The following CDC42BPB variants were observed in gnomAD, a reference collection of about 807,000 sequenced individuals.
CDC42BPB encodes serine/threonine-protein kinase MRCK beta.
CDC42BPB carries 37 observed loss-of-function variants against 214.9 expected under a neutral mutation model. The ratio of observed to expected loss-of-function variants is 0.17; its 90% CI spans 0.13 to 0.23. CDC42BPB has a LOEUF of 0.23. Ranked by LOEUF, CDC42BPB falls within the 10% of genes least tolerant of loss-of-function variation. The pLI, the probability that CDC42BPB is intolerant of heterozygous loss-of-function variation, is 1.00. For synonymous variants in CDC42BPB, 931 were observed against 884.0 expected, an observed-to-expected ratio of 1.05 and a Z score of -0.94; for missense variants, 1,694 against 2,227.0, an observed-to-expected ratio of 0.76 and a Z score of 4.82.
intron 1 of CDC42BPB, among the ~76,000 whole-genome samples, chr14:103,018,086 A>G (rs1436956874): frequency 6.6e-6 from 1 of 152,210 alleles, no homozygotes; most frequent in Non-Finnish European, 1.5e-5. Flanking sequence ...CTGGACTCTC[A>G]TAAGCAGCAT....
chr14:102,955,389 C>A (rs868540698), intron 21 of CDC42BPB, among the ~76,000 whole-genome samples: 8 of 152,204 alleles, frequency 5.3e-5, no homozygotes, highest in African/African-American at 1.2e-4. Context: ...CATTGCACTC[C>A]AGCCTGGGCA....
intron 1 of CDC42BPB, 54 bp downstream of exon 1, chr14:103,056,945 C>T (rs1011978476): frequency 4.8e-4 from 595 of 1,246,546 alleles, no homozygotes; most frequent in Non-Finnish European, 6.0e-4. Flanking sequence ...GATGCGCGGG[C>T]TGGGGCGCGG....
intron 3 of CDC42BPB, among the ~76,000 whole-genome samples, chr14:103,006,641 A>C (rs923138072): frequency 6.6e-6 from 1 of 152,236 alleles, no homozygotes; most frequent in African/African-American, 2.4e-5. Context: ...ATTTTTTATA[A>C]ATCAGTATTA....
chr14:102,966,564 T>C (rs560781216), intron 17 of CDC42BPB, 177 bp from the exon 18 acceptor site: 2 of 963,360 alleles, frequency 2.1e-6, no homozygotes, highest in Non-Finnish European at 2.5e-6. Context: ...GTCGTTACAT[T>C]GCACATGACT....
intron 1 of CDC42BPB, among the ~76,000 whole-genome samples, chr14:103,053,530 G>C (rs1371178884): frequency 6.6e-6 from 1 of 151,062 alleles, no homozygotes; most frequent in African/African-American, 2.5e-5. Flanking sequence ...GGGAGGCCAA[G>C]GGGGGCAGAT....
intron 16 of CDC42BPB, among the ~76,000 whole-genome samples, chr14:102,968,022 G>C (rs1893296508): frequency 6.6e-6 from 1 of 151,938 alleles, no homozygotes; most frequent in African/African-American, 2.4e-5. Context: ...ATGAACCTGG[G>C]AGGCAGAGGT....
intron 5 of CDC42BPB, among the ~76,000 whole-genome samples, chr14:102,987,454 C>T (rs775512090): frequency 2.6e-5 from 4 of 152,140 alleles, no homozygotes; most frequent in East Asian, 1.9e-4. Context: ...ATGTTCCCAG[C>T]GGCACCACTT....
intron 35 of CDC42BPB, 58 bp from the exon 36 acceptor site, chr14:102,938,232 C>T: frequency 6.2e-7 from 1 of 1,603,964 alleles, no homozygotes; most frequent in South Asian, 1.1e-5. Flanking sequence ...AATCAAATGC[C>T]TGGGGTCTCC....
chr14:103,045,482 T>C (rs375686497), intron 1 of CDC42BPB, among the ~76,000 whole-genome samples: 11 of 151,862 alleles, frequency 7.2e-5, no homozygotes, highest in African/African-American at 2.7e-4. Flanking sequence ...GAGCAGGCGC[T>C]GTCCAGCCAC....
chr14:102,968,135 C>A, intron 16 of CDC42BPB, 118 bp downstream of exon 16: 1 of 673,148 alleles, frequency 1.5e-6, no homozygotes, highest in Non-Finnish European at 2.5e-6. Context: ...AGAATGACGA[C>A]ATTCTACTCC....
intron 1 of CDC42BPB, chr14:103,042,177 C>G (rs1888037653): frequency 6.3e-6 from 1 of 157,660 alleles, no homozygotes; most frequent in Non-Finnish European, 1.4e-5. Flanking sequence ...AACACCTGTG[C>G]TTCAAAGGAT....
At chr14:103,016,979 G>A (rs1886501704) in intron 1 of CDC42BPB, among the ~76,000 whole-genome samples, 1 of 152,152 alleles carries the variant, frequency 6.6e-6, no homozygotes, top group Non-Finnish European at 1.5e-5. Flanking sequence ...GTGCCCAGAA[G>A]TGAGAGTGTG....
intron 36 of CDC42BPB, among the ~76,000 whole-genome samples, chr14:102,937,538 T>G (rs1412791162): frequency 2.7e-5 from 4 of 149,492 alleles, no homozygotes; most frequent in African/African-American, 9.8e-5. Flanking sequence ...CGCCGGGGGC[T>G]AAGCCCTCAG....
chr14:102,965,252 T>C (rs1390341965), intron 18 of CDC42BPB, among the ~76,000 whole-genome samples: 1 of 152,300 alleles, frequency 6.6e-6, no homozygotes, highest in East Asian at 1.9e-4. Flanking sequence ...AATTTCTATA[T>C]GGGTCCACTG....
chr14:102,990,042 G>C (rs993595781), intron 5 of CDC42BPB, among the ~76,000 whole-genome samples: 3 of 152,186 alleles, frequency 2.0e-5, no homozygotes, highest in African/African-American at 7.2e-5. Flanking sequence ...GTTGCCAGCG[G>C]AGGTGGGCAG....
At position 103,053,670 on chromosome 14, in the gene CDC42BPB, G is replaced by T. The variant is rs1002630878; in HGVS notation, c.175+3329C>A. 2.7e-5 allele frequency among the ~76,000 whole-genome samples: 4 copies of T among 150,444 alleles called. No individual in the cohort carries two copies. The East Asian group carries it at 8.1e-4, about 30-fold the overall frequency. ...CCAGCTACTCAGGAGGCTGAGGCAG[G>T]AGAACAACGTGAACCCGGGAGGCAG... On this transcript the variant is annotated intron_variant, in intron 1 of 36. Coordinates refer to ENST00000361246, the MANE Select transcript of CDC42BPB (RefSeq NM_006035.4).
intron 36 of CDC42BPB, 83 bp downstream of exon 36, chr14:102,938,021 A>C: frequency 6.9e-7 from 1 of 1,452,410 alleles, no homozygotes; most frequent in Non-Finnish European, 9.6e-7. Flanking sequence ...CTGTGACACC[A>C]CCCAGGGCCC....
At chr14:102,950,304 G>A (rs933458375) in intron 25 of CDC42BPB, among the ~76,000 whole-genome samples, 162 bp downstream of exon 25, 4 of 152,244 alleles carry the variant, frequency 2.6e-5, no homozygotes, top group African/African-American at 7.2e-5. Context: ...CAGCGGCTGC[G>A]CCGACCTGAT....
In CDC42BPB at chr14:103,051,773, A is replaced by C. The variant is rs529933304; in HGVS notation, c.175+5226T>G. On this transcript the variant is annotated intron_variant, in intron 1 of 36. Transcript: ENST00000361246. ...GAACTATTTCTTCAAATCCAATTTT[A>C]TTTCTTTGAAGTCTAGATTTAAGAG... 1.1e-3 allele frequency among the ~76,000 whole-genome samples: 168 copies of C among 152,308 alleles called. 1 individual carries two copies. Among genetic ancestry groups the C allele is most frequent in the African/African-American group, 4.0e-3 (166 of 41,562 alleles).
Sources: gnomAD v4.1 joint callset for allele counts (sites outside exome capture counted in the v4.1 genomes callset) on GRCh38, gnomAD v4.1.1 for gene constraint, MANE v1.5 for transcripts, NCBI Gene and HGNC (gene_info 2026-07-23, HGNC 2026-07-21) for gene names.